The following DRC1 variants were observed in gnomAD, a reference collection of about 807,000 sequenced individuals.
DRC1 encodes the protein dynein regulatory complex protein 1.
DRC1 carries 74 observed loss-of-function variants against 98.7 expected under a neutral mutation model. That is an observed-to-expected ratio of 0.75 (90% CI 0.62 to 0.91). The LOEUF (loss-of-function observed/expected upper bound fraction) is 0.91, where lower values mean the gene tolerates loss of function less well. DRC1 is among the 40% of genes least tolerant of loss of function. The pLI, the probability that DRC1 is intolerant of heterozygous loss-of-function variation, is 0.00. For missense variants in DRC1, 875 were observed against 886.0 expected, an observed-to-expected ratio of 0.99 and a Z score of 0.16; for synonymous variants, 336 against 334.1, an observed-to-expected ratio of 1.01 and a Z score of -0.06.
At position 26,454,604 on chromosome 2, in the gene DRC1, A is replaced by G; in HGVS notation, c.1920-43A>G. 6.2e-7 allele frequency: 1 copy of G among 1,609,424 alleles called. No individual in the cohort carries two copies. The highest frequency in any genetic ancestry group is 2.2e-5 in the East Asian group (1 of 44,822). On this transcript the variant is annotated intron_variant, in intron 14 of 16. Transcript: ENST00000288710. This position sits in a 1 kb window ranked among gnomAD's most constrained non-coding sequence, Gnocchi z 5.2. ...ACTGGCACTGCCTGGGGGCCTGGGT[A>G]GTACCCAATGGACATGACAATCACT... is the stretch of plus-strand genomic sequence containing the variant.
intron 13 of DRC1, among the ~76,000 whole-genome samples, chr2:26,452,234 A>T (rs1664025368): frequency 6.6e-6 from 1 of 152,156 alleles, no homozygotes; most frequent in South Asian, 2.1e-4. Flanking sequence ...CAATTACAAA[A>T]CTATATACAT....
At chr2:26,414,246 G>A in intron 1 of DRC1, 98 bp from the exon 2 acceptor site, 1 of 1,238,484 alleles carries the variant, frequency 8.1e-7, no homozygotes, top group Non-Finnish European at 1.1e-6. Flanking sequence ...CAAACTGTTG[G>A]GATTACAGGC....
At chr2:26,408,511 T>C (rs913712826) in intron 1 of DRC1, among the ~76,000 whole-genome samples, 1 of 152,156 alleles carries the variant, frequency 6.6e-6, no homozygotes, top group Non-Finnish European at 1.5e-5. Context: ...CAGTGGCTCA[T>C]GCCTGTAATC....
At chr2:26,426,769 AT>A (rs1010166754) in intron 4 of DRC1, among the ~76,000 whole-genome samples, 1 of 152,194 alleles carries the variant, frequency 6.6e-6, no homozygotes, top group African/African-American at 2.4e-5. Flanking sequence ...AATTTTACAA[AT>A]TTTAGGATGG....
chr2:26,424,437 A>G lies in DRC1; in HGVS notation c.523A>G (p.Ile175Val). 2 of 1,608,412 alleles carry G rather than the reference A, an allele frequency of 1.2e-6. No individual in the cohort carries two copies. Among genetic ancestry groups the G allele is most frequent in the South Asian group, 1.1e-5 (1 of 90,844 alleles). ...AGLLEDKNKLISELQQELKTK... is the reference protein window; with the variant it reads ...AGLLEDKNKLVSELQQELKTK... ...ACTCTTAGAAGATAAGAATAAACTC[A>G]TCAGCGAGTTACAGCAGGCAAGAGG... Residue 175 changes from isoleucine (I) to valine (V), a missense_variant, in exon 4 of 17, where the codon ATC becomes GTC. Transcript: ENST00000288710.
In DRC1 at chr2:26,455,168, A is replaced by T. The variant is rs1267331724; in HGVS notation, c.2101A>T (p.Asn701Tyr). 1.2e-6 allele frequency: 2 copies of T among 1,614,080 alleles called. No homozygotes were observed. Among genetic ancestry groups the T allele is most frequent in the Non-Finnish European group, 1.7e-6 (2 of 1,180,030 alleles). Residue 701 changes from asparagine to tyrosine, a missense_variant, in exon 16 of 17, where the codon AAC (asparagine) becomes TAC (tyrosine). By Grantham distance (143) the Asn-to-Tyr change is moderately radical. Transcript: ENST00000288710. ...LTQRAKLLLENSSLEQQNTEL... is the reference protein window; with the variant it reads ...LTQRAKLLLEYSSLEQQNTEL... The stretch of plus-strand genomic sequence containing the variant: ...CCAGAGGGCCAAGCTGCTGCTGGAA[A>T]ACAGTTCTCTGGAGCAGCAGAACAC...
At chr2:26,405,852 G>T (rs572334409) in intron 1 of DRC1, among the ~76,000 whole-genome samples, 46 of 151,996 alleles carry the variant, frequency 3.0e-4, no homozygotes, top group South Asian at 1.7e-3. Context: ...GAGAGACGGG[G>T]TTTCACCATG....
rs530990178 is a variant in DRC1, at chr2:26,436,981, C to A, written c.889-3397C>A. ...CATACGTTCTCAGATGGTTACATCC[C>A]ATATGGAGCTTTTCTATTGGACTTT... On this transcript the variant is annotated intron_variant, in intron 7 of 16. Transcript: ENST00000288710. Among the ~76,000 whole-genome samples, 4 of 152,270 alleles carry A rather than the reference C, an allele frequency of 2.6e-5. No individual in the cohort carries two copies. In the South Asian group the frequency reaches 8.3e-4, roughly 32 times the overall value.
At position 26,449,990 on chromosome 2, in the gene DRC1, C is replaced by A. The variant is rs201815519; in HGVS notation, c.1510-6C>A. The A allele has an allele frequency of 8.4e-5, 135 of 1,613,476 alleles. No individual in the cohort carries two copies. In the African/African-American group the frequency reaches 1.6e-3, roughly 19 times the overall value. ...CGACAGGAGATGCCTTCTTCCTTCTCCCCAGGGGTTCCTCATAGAGAGCAA... is the reference window on the plus strand; with the variant it reads ...CGACAGGAGATGCCTTCTTCCTTCTACCCAGGGGTTCCTCATAGAGAGCAA... On this transcript the variant is annotated splice_region_variant and splice_polypyrimidine_tract_variant and intron_variant, in intron 11 of 16. Transcript: ENST00000288710.
chr2:26,435,360 A>C (rs965791538), intron 7 of DRC1, among the ~76,000 whole-genome samples: 1 of 152,238 alleles, frequency 6.6e-6, no homozygotes, highest in Non-Finnish European at 1.5e-5. Flanking sequence ...GCAACTTTGC[A>C]AAAATATCTT....
intron 8 of DRC1, 44 bp downstream of exon 8, chr2:26,440,561 T>C (rs1663693593): frequency 4.4e-6 from 7 of 1,590,118 alleles, no homozygotes; most frequent in Admixed American, 1.7e-5. Flanking sequence ...CCTTCTGTGC[T>C]GAGAATAGGG....
chr2:26,409,166 A>G (rs927101231), intron 1 of DRC1, among the ~76,000 whole-genome samples: 10 of 152,002 alleles, frequency 6.6e-5, no homozygotes, highest in African/African-American at 2.4e-4. Flanking sequence ...TCCTGGGTCA[A>G]GTGGTCCTCC....
At chr2:26,418,545 A>AATTATATATAATTTATATATAATATAT (rs1678891798) in intron 2 of DRC1, among the ~76,000 whole-genome samples, 1 of 107,956 alleles carries the variant, frequency 9.3e-6, no homozygotes, top group Non-Finnish European at 1.7e-5. Context: ...ATATATTATA[A>AATTATATATAATTTATATATAATATAT]ATTATATATA....
At chr2:26,421,098 A>G in intron 2 of DRC1, 190 bp from the exon 3 acceptor site, 1 of 450,916 alleles carries the variant, frequency 2.2e-6, no homozygotes. Flanking sequence ...TGTGAGCTGT[A>G]AAATCACATC....
chr2:26,405,763 T>C (rs1172804956), intron 1 of DRC1, among the ~76,000 whole-genome samples: 3 of 148,090 alleles, frequency 2.0e-5, no homozygotes, highest in Admixed American at 7.0e-5. Context: ...CAGGTTCAAG[T>C]GATTCTCCTG....
At position 26,444,312 on chromosome 2, in the gene DRC1, C is replaced by T. The variant is rs1468813761; in HGVS notation, c.1119C>T (p.Tyr373=). ...QEENQSLTSD[Y]KRLVMQFKEL... ...AGAACCAGTCTCTAACCTCGGACTA[C>T]AAACGTCTTGTGATGCAATTCAAGG... The change falls in exon 9 of 17, where the codon TAC becomes TAT. Residue 373 remains tyrosine (Y), a synonymous_variant. Transcript: ENST00000288710. The T allele has an allele frequency of 3.1e-6, 5 of 1,614,190 alleles. No individual in the cohort carries two copies. In the East Asian group the frequency reaches 8.9e-5, roughly 29 times the overall value.
intron 7 of DRC1, among the ~76,000 whole-genome samples, chr2:26,438,696 C>T (rs192766277): frequency 1.3e-5 from 2 of 152,250 alleles, no homozygotes; most frequent in South Asian, 2.1e-4. Flanking sequence ...CCCAGTGAAG[C>T]GTCACCTCCT....
intron 10 of DRC1, chr2:26,448,304 G>A (rs1442874122): frequency 4.2e-6 from 2 of 477,868 alleles, no homozygotes; most frequent in African/African-American, 4.0e-5. Flanking sequence ...TGTCTAATCT[G>A]TTGCAGGTTT....
intron 8 of DRC1, among the ~76,000 whole-genome samples, chr2:26,442,801 C>T (rs1041716767): frequency 6.6e-6 from 1 of 152,198 alleles, no homozygotes; most frequent in African/African-American, 2.4e-5. Flanking sequence ...CTCTAGCTTC[C>T]AGGCACTAAG....
Sources: allele counts gnomAD v4.1 joint callset (sites outside exome capture counted in the v4.1 genomes callset), GRCh38; gene constraint gnomAD v4.1.1; non-coding constraint Gnocchi (gnomAD v3.1); transcripts MANE v1.5; gene names NCBI Gene and HGNC (gene_info 2026-07-23, HGNC 2026-07-21).